Variants in ATM observed in about 807,000 individuals in gnomAD.
ATM encodes ATM serine/threonine kinase, also known as serine-protein kinase ATM.
A neutral mutation model predicts 387.0 loss-of-function variants in ATM; 308 were observed. The ratio of observed to expected loss-of-function variants is 0.80; its 90% confidence interval spans 0.73 to 0.87. ATM has a LOEUF of 0.87. ATM is among the 40% of genes least tolerant of loss of function. ATM has a pLI of 0.00. For missense variants in ATM, 3,312 were observed against 3,560.9 expected (o/e 0.93, Z 1.78); for synonymous variants, 1,156 against 1,187.3 (o/e 0.97, Z 0.54).
chr11:108,301,663 A>G lies in ATM; in HGVS notation c.5193A>G (p.Ser1731=). 6.2e-7 allele frequency: 1 copy of G among 1,613,760 alleles called. No individual in the cohort carries two copies. The highest frequency in any genetic ancestry group is 8.5e-7 in the Non-Finnish European group (1 of 1,179,772). ...TLVEDCVKVR[S]AAVTCLKNIL... is the part of the protein sequence containing the mutation. ...TTTTTTTCAGTGTCAAAGTTCGATC[A>G]GCAGCTGTTACCTGTTTGAAAAACA... Residue 1731 remains serine (S), a synonymous_variant, in exon 35 of 63, where the codon TCA becomes TCG. Coordinates refer to ENST00000675843, the MANE Select transcript of ATM (RefSeq NM_000051.4).
intron 40 of ATM, 26 bp downstream of exon 40, chr11:108,312,524 A>T (rs2084261704): frequency 6.8e-7 from 1 of 1,477,222 alleles, no homozygotes; most frequent in African/African-American, 1.4e-5. Flanking sequence ...TCTATTATTT[A>T]TGACAGTATT....
chr11:108,260,421 T>G (rs937432155), intron 16 of ATM, among the ~76,000 whole-genome samples: 15 of 152,212 alleles, frequency 9.9e-5, no homozygotes, highest in African/African-American at 2.4e-5. Flanking sequence ...ATTATTGTAC[T>G]TTTGTCTATT....
chr11:108,318,963 GT>G lies in ATM; in HGVS notation c.6348-989del, dbSNP rs1479854121. On this transcript the variant is annotated intron_variant, in intron 43 of 62. Transcript: ENST00000675843. The stretch of plus-strand genomic sequence containing the variant: ...GGCTGAGGAGGGTGGATCACATGAG[GT>G]TAGGAATTCAAGACAAGCTTGGGCA... Among the ~76,000 whole-genome samples, 1 of 152,044 alleles carries G rather than the reference GT, an allele frequency of 6.6e-6. No individual in the cohort carries two copies. The highest frequency in any genetic ancestry group is 1.5e-5 in the Non-Finnish European group (1 of 68,000).
At position 108,345,886 on chromosome 11, in the gene ATM, C is replaced by T. The variant is rs878853550; in HGVS notation, c.8562C>T (p.Arg2854=). 1 of 1,613,702 alleles carries T rather than the reference C, an allele frequency of 6.2e-7. No individual in the cohort carries two copies. The highest frequency in any genetic ancestry group is 8.5e-7 in the Non-Finnish European group (1 of 1,179,760). ...TTGAGAAGCGATTGGCTTATACGCG[C>T]AGTGTAGCTACTTCTTCTATTGGTA... ...IWFEKRLAYT[R]SVATSSIVGY... The change falls in exon 58 of 63, where the codon CGC becomes CGT. Residue 2854 remains arginine (R), a synonymous_variant. Coordinates refer to ENST00000675843, the MANE Select transcript of ATM (RefSeq NM_000051.4).
chr11:108,251,109 A>AAC (rs1394887104), intron 10 of ATM, 37 bp downstream of exon 10: 1 of 1,612,698 alleles, frequency 6.2e-7, no homozygotes, highest in South Asian at 1.1e-5. Context: ...CTTACAGATA[A>AAC]ACACACACAG....
At position 108,256,329 on chromosome 11, in the gene ATM, C is replaced by G. The variant is rs2080483369; in HGVS notation, c.2239C>G (p.Gln747Glu). Residue 747 changes from glutamine (Q) to glutamate (E), a missense_variant, in exon 14 of 63, where the codon CAG (glutamine) becomes GAG (glutamate). Transcript: ENST00000675843. ...EEEAYKSELF[Q>E]KAKSLMQCAG... ...GGAAGCATATAAGTCAGAATTATTC[C>G]AGAAAGCCAAGGTAGGAGAATTTAT... The G allele has an allele frequency of 6.2e-7, 1 of 1,609,768 alleles. No homozygotes were observed. Among genetic ancestry groups the G allele is most frequent in the South Asian group, 1.1e-5 (1 of 90,782 alleles).
intron 59 of ATM, among the ~76,000 whole-genome samples, chr11:108,347,926 A>G (rs2088654277): frequency 6.6e-6 from 1 of 152,166 alleles, no homozygotes; most frequent in Admixed American, 6.5e-5. Context: ...AAATTAAGGG[A>G]TATTGTAATA....
Position 108,347,384 on chromosome 11 carries a change from G to C in ATM, c.8671+19G>C, listed in dbSNP as rs1308810219. The C allele has an allele frequency of 1.3e-6, 2 of 1,530,082 alleles. No individual in the cohort carries two copies. Among genetic ancestry groups the C allele is most frequent in the African/African-American group, 2.7e-5 (2 of 73,086 alleles). 94.8% of individuals were successfully genotyped at this position (1,530,082 alleles called of 1,614,324 possible). On this transcript the variant is annotated intron_variant, in intron 59 of 62. Transcript: ENST00000675843. ...GATCTAGGTAAGTAATAAAATCTAT[G>C]TATCTATTCTTTTTAGTAAATATTT...
At chr11:108,339,531 T>C (rs227069) in intron 56 of ATM, among the ~76,000 whole-genome samples, 57,255 of 151,760 alleles carry the variant, frequency 0.38, 11,791 homozygotes, top group Middle Eastern at 0.64. Context: ...TTTTTTGTGG[T>C]ATTCACACAA....
chr11:108,330,167 G>T (rs1321165990), intron 49 of ATM, 47 bp from the exon 50 acceptor site: 1 of 1,581,462 alleles, frequency 6.3e-7, no homozygotes, highest in South Asian at 1.1e-5. Flanking sequence ...TTGTAGTTCT[G>T]TTAAAGTTCA....
Position 108,321,370 on chromosome 11 carries a change from C to T in ATM, c.6522C>T (p.Ser2174=), listed in dbSNP as rs772850740. 9.3e-6 allele frequency: 15 copies of T among 1,614,054 alleles called. No individual in the cohort carries two copies. The highest frequency in any genetic ancestry group is 2.2e-5 in the East Asian group (1 of 44,896). The change falls in exon 45 of 63, where the codon AGC becomes AGT. Residue 2174 remains serine (S), a synonymous_variant. Transcript: ENST00000675843. The part of the protein sequence containing the change: ...ESVYSLYPTL[S]RLQAIGELES... ...TGTATTCGCTCTATCCCACACTTAG[C>T]AGGTTGCAGGCCATTGGAGAGCTGG...
intron 39 of ATM, among the ~76,000 whole-genome samples, chr11:108,310,554 A>G (rs1470796749): frequency 2.0e-5 from 3 of 152,310 alleles, no homozygotes; most frequent in South Asian, 4.1e-4. Flanking sequence ...GCAAATTCCT[A>G]TAGGACAGAG....
chr11:108,275,931 T>C (rs2081923254), intron 22 of ATM, among the ~76,000 whole-genome samples: 1 of 151,774 alleles, frequency 6.6e-6, no homozygotes, highest in Non-Finnish European at 1.5e-5. Flanking sequence ...TTGGGGAAGT[T>C]CTGATAATAT....
intron 26 of ATM, 69 bp downstream of exon 26, chr11:108,284,542 G>T: frequency 2.5e-6 from 4 of 1,581,924 alleles, no homozygotes; most frequent in Non-Finnish European, 2.6e-6. Flanking sequence ...AAGTTTTAAG[G>T]CTATTTATTC....
chr11:108,273,958 T>A (rs1208879122), intron 22 of ATM, among the ~76,000 whole-genome samples: 1 of 152,218 alleles, frequency 6.6e-6, no homozygotes, highest in African/African-American at 2.4e-5. Flanking sequence ...TACCAGCTCC[T>A]CTTTGTACCC....
intron 60 of ATM, 81 bp from the exon 61 acceptor site, chr11:108,354,730 C>T: frequency 1.7e-6 from 2 of 1,194,270 alleles, no homozygotes; most frequent in Non-Finnish European, 2.5e-6. Context: ...CAGCATACTA[C>T]ACATGAGAGT....
intron 23 of ATM, among the ~76,000 whole-genome samples, chr11:108,279,841 C>CT (rs2082140030): frequency 6.6e-6 from 1 of 152,116 alleles, no homozygotes; most frequent in Non-Finnish European, 1.5e-5. Context: ...CAAAATTTAA[C>CT]TGAGTTTTTA....
intron 32 of ATM, among the ~76,000 whole-genome samples, chr11:108,296,441 G>A (rs1199831742): frequency 1.3e-5 from 2 of 151,830 alleles, no homozygotes; most frequent in East Asian, 3.9e-4. Context: ...TAGTAGAGAC[G>A]GGGTTTCACC....
In ATM at chr11:108,244,047, A is replaced by T. The variant is rs587780630; in HGVS notation, c.591A>T (p.Gly197=). 2.4e-5 allele frequency: 38 copies of T among 1,613,484 alleles called. No individual in the cohort carries two copies. Among genetic ancestry groups the T allele is most frequent in the Middle Eastern group, 3.3e-4 (2 of 6,080 alleles). The part of the protein sequence containing the change: ...VARIIHAVTK[G]CCSQTDGLNS... ...GAATAATTCATGCTGTTACCAAAGG[A>T]TGCTGTTCTCAGACTGACGGATTAA... The change falls in exon 6 of 63, where the codon GGA becomes GGT. Residue 197 remains glycine (G), a synonymous_variant. Transcript: ENST00000675843.
Sources: gnomAD v4.1 joint callset for allele counts (sites outside exome capture counted in the v4.1 genomes callset) on GRCh38, gnomAD v4.1.1 for gene constraint, MANE v1.5 for transcripts, NCBI Gene and HGNC (gene_info 2026-07-23, HGNC 2026-07-21) for gene names.